Variants in CADM1 observed in about 807,000 individuals in gnomAD.
The protein encoded by CADM1 is cell adhesion molecule 1.
CADM1 carries 15 observed loss-of-function variants against 53.1 expected under a neutral mutation model. The observed-to-expected ratio is 0.28, with a 90% confidence interval of 0.19 to 0.44. CADM1 has a LOEUF of 0.44. Among genes scored for constraint, CADM1 ranks in the 20% least tolerant of loss-of-function variants. The probability of loss-of-function intolerance (pLI) is 1.00; values close to 1 mark genes in which losing one functional copy is unlikely to be tolerated. For synonymous variants in CADM1, 281 were observed against 243.0 expected (o/e 1.16, Z -1.45); for missense variants, 434 against 611.3 (o/e 0.71, Z 3.06).
chr11:115,503,882 G>C (rs1949791449), intron 1 of CADM1, among the ~76,000 whole-genome samples: 1 of 152,124 alleles, frequency 6.6e-6, no homozygotes, highest in Non-Finnish European at 1.5e-5. Flanking sequence ...GGAGGTGGGA[G>C]GACCTGCAAG....
At chr11:115,474,810 C>A (rs1484431762) in intron 1 of CADM1, among the ~76,000 whole-genome samples, 1 of 151,954 alleles carries the variant, frequency 6.6e-6, no homozygotes, top group East Asian at 1.9e-4. Context: ...AACAAACCTG[C>A]ACGTTGTGCA....
At chr11:115,195,735 T>C (rs966583163) in intron 9 of CADM1, among the ~76,000 whole-genome samples, 1 of 152,244 alleles carries the variant, frequency 6.6e-6, no homozygotes, top group African/African-American at 2.4e-5. Flanking sequence ...CACGTTCTAT[T>C]ACCTTTTCTA....
chr11:115,278,180 G>C, intron 1 of CADM1, among the ~76,000 whole-genome samples: 1 of 150,666 alleles, frequency 6.6e-6, no homozygotes, highest in Admixed American at 6.6e-5. Flanking sequence ...GTAATAAAGG[G>C]AAAGAATAAT....
At chr11:115,322,825 G>A (rs1453224060) in intron 1 of CADM1, among the ~76,000 whole-genome samples, 2 of 151,990 alleles carry the variant, frequency 1.3e-5, no homozygotes, top group African/African-American at 4.8e-5. Context: ...ATTGGATATT[G>A]TTTCCATTTT....
intron 1 of CADM1, among the ~76,000 whole-genome samples, chr11:115,327,829 C>A (rs1204847186): frequency 1.3e-5 from 2 of 152,176 alleles, no homozygotes; most frequent in African/African-American, 4.8e-5. Context: ...GTACCAGATA[C>A]ATTGTAAGTA....
At chr11:115,291,735 C>T (rs1419895945) in intron 1 of CADM1, among the ~76,000 whole-genome samples, 2 of 152,152 alleles carry the variant, frequency 1.3e-5, no homozygotes, top group African/African-American at 2.4e-5. Flanking sequence ...CTCACTTGGG[C>T]CTGCAAGAGA....
chr11:115,210,461 C>T (rs562501246), intron 7 of CADM1, among the ~76,000 whole-genome samples: 7 of 152,196 alleles, frequency 4.6e-5, no homozygotes, highest in Admixed American at 1.3e-4. Context: ...ATTTGATATA[C>T]TGTATATTCT....
chr11:115,470,258 T>C (rs1948984326), intron 1 of CADM1, among the ~76,000 whole-genome samples: 1 of 152,176 alleles, frequency 6.6e-6, no homozygotes, highest in Non-Finnish European at 1.5e-5. Context: ...GTTCCATTAA[T>C]TAGGTGTGTT....
intron 1 of CADM1, among the ~76,000 whole-genome samples, chr11:115,331,676 G>A (rs73578106): frequency 0.012 from 1,849 of 152,046 alleles, 45 homozygotes; most frequent in African/African-American, 0.041. Context: ...CTCAAATAGA[G>A]TAAATATGTG....
At chr11:115,396,787 A>G (rs1361732890) in intron 1 of CADM1, 2 of 152,228 alleles carry the variant, frequency 1.3e-5, no homozygotes, top group Admixed American at 1.3e-4. Flanking sequence ...AATCTCTGCC[A>G]TAATAGCTAT....
chr11:115,472,592 T>C (rs551739819), intron 1 of CADM1, among the ~76,000 whole-genome samples: 1 of 152,368 alleles, frequency 6.6e-6, no homozygotes, highest in South Asian at 2.1e-4. Flanking sequence ...GGTTTGCCAA[T>C]ATTGAAATGT....
chr11:115,195,336 C>A (rs2134663500), intron 9 of CADM1, among the ~76,000 whole-genome samples: 1 of 152,300 alleles, frequency 6.6e-6, no homozygotes, highest in African/African-American at 2.4e-5. Flanking sequence ...GTATAAACTT[C>A]ATACATACTC....
At chr11:115,258,980 G>A (rs138891582) in intron 1 of CADM1, among the ~76,000 whole-genome samples, 1 of 152,170 alleles carries the variant, frequency 6.6e-6, no homozygotes, top group Non-Finnish European at 1.5e-5. Context: ...AGAGAAAAAT[G>A]TTAACTTTCC....
chr11:115,364,045 T>G (rs1284431625), intron 1 of CADM1, among the ~76,000 whole-genome samples: 1 of 150,926 alleles, frequency 6.6e-6, no homozygotes, highest in Non-Finnish European at 1.5e-5. Flanking sequence ...CACTCTATGA[T>G]CCACAAAAAA....
chr11:115,199,640 T>TCATTCCAATGTCAACCC (rs1445566701), intron 8 of CADM1, among the ~76,000 whole-genome samples: 1 of 152,238 alleles, frequency 6.6e-6, no homozygotes, highest in Non-Finnish European at 1.5e-5. Context: ...CTAGTCAACC[T>TCATTCCAATGTCAACCC]CATTCCAATG....
chr11:115,484,343 G>A (rs1949322736), intron 1 of CADM1, among the ~76,000 whole-genome samples: 2 of 152,142 alleles, frequency 1.3e-5, no homozygotes, highest in African/African-American at 2.4e-5. Flanking sequence ...CATCCGGAAA[G>A]TGCTCCCTGT....
chr11:115,452,392 T>C (rs890207394), intron 1 of CADM1, among the ~76,000 whole-genome samples: 6 of 152,228 alleles, frequency 3.9e-5, no homozygotes, highest in African/African-American at 1.4e-4. Context: ...AGTCAAGTGC[T>C]TTATCTACTC....
rs1045678489 is a variant in CADM1, at chr11:115,175,180, C to T, written c.*1294G>A. ...TTTTTCCACCTCTGCTCTGACCTAT[C>T]GAGAACTGAGAGCGACAGCAGACCA... On this transcript the variant is annotated 3_prime_UTR_variant, in exon 12 of 12. Coordinates refer to ENST00000331581, the MANE Select transcript of CADM1 (RefSeq NM_001301043.2). 43 of 985,664 alleles carry T rather than the reference C, an allele frequency of 4.4e-5. No individual in the cohort carries two copies. Among genetic ancestry groups the T allele is most frequent in the Admixed American group, 6.1e-5 (1 of 16,262 alleles). The allele number at this position is 985,664 out of a possible 1,614,324, so 61.1% of individuals were successfully genotyped here. A position where few individuals can be genotyped will look rare whatever the true frequency, so the allele number is the denominator to read the frequency against.
intron 5 of CADM1, chr11:115,218,247 C>T: frequency 2.2e-6 from 1 of 459,114 alleles, no homozygotes; most frequent in Non-Finnish European, 4.1e-6. Context: ...CTGTGAAATA[C>T]ATTTTGTTAC....
Sources: gnomAD v4.1 joint callset for allele counts (sites outside exome capture counted in the v4.1 genomes callset) on GRCh38, gnomAD v4.1.1 for gene constraint, MANE v1.5 for transcripts, NCBI Gene and HGNC (gene_info 2026-07-23, HGNC 2026-07-21) for gene names.